CACNA1C: variants seen among roughly 807,000 people sequenced by gnomAD.
The protein encoded by CACNA1C is calcium voltage-gated channel subunit alpha1 C.
In CACNA1C, 30 loss-of-function variants were observed where a neutral mutation model predicts 229.0. That is an observed-to-expected ratio of 0.13 (90% CI 0.10 to 0.18). The LOEUF (loss-of-function observed/expected upper bound fraction) is 0.18, where lower values mean the gene tolerates loss of function less well. Ranked by LOEUF, CACNA1C falls within the 10% of genes least tolerant of loss-of-function variation. The pLI, the probability that CACNA1C is intolerant of heterozygous loss-of-function variation, is 1.00. For synonymous variants in CACNA1C, 1,114 were observed against 1,132.5 expected (o/e 0.98, Z 0.33); for missense variants, 1,658 against 2,845.0 (o/e 0.58, Z 9.49).
At chr12:2,047,564 A>G (rs1309384637) in intron 1 of CACNA1C, among the ~76,000 whole-genome samples, 1 of 152,262 alleles carries the variant, frequency 6.6e-6, no homozygotes, top group Non-Finnish European at 1.5e-5. Flanking sequence ...CTCACCAGGC[A>G]TATTAAATGA....
At chr12:2,043,397 CACTCAGGG>C (rs2050482886) in intron 1 of CACNA1C, among the ~76,000 whole-genome samples, 2 of 152,284 alleles carry the variant, frequency 1.3e-5, no homozygotes, top group East Asian at 3.9e-4. Context: ...TTCACAAAGT[CACTCAGGG>C]ACTCAGGGTT....
intron 3 of CACNA1C, among the ~76,000 whole-genome samples, chr12:2,260,761 A>G (rs2079836779): frequency 6.6e-6 from 1 of 152,158 alleles, no homozygotes; most frequent in Non-Finnish European, 1.5e-5. Flanking sequence ...GGTTAATTAT[A>G]TATACCTTGC....
At chr12:2,240,839 A>T (rs2069727035) in intron 3 of CACNA1C, among the ~76,000 whole-genome samples, 1 of 151,738 alleles carries the variant, frequency 6.6e-6, no homozygotes, top group African/African-American at 2.4e-5. Flanking sequence ...AGCTCCCCTC[A>T]GCAGTGCTCA....
At chr12:2,555,010 A>G (rs1173909464) in intron 10 of CACNA1C, among the ~76,000 whole-genome samples, 1 of 152,234 alleles carries the variant, frequency 6.6e-6, no homozygotes, top group Non-Finnish European at 1.5e-5. Flanking sequence ...ATCAGTCTTC[A>G]AGTGTGGTGC....
At chr12:2,167,280 TGAGGGGAAAGGCATGGATGACA>T (rs1330970811) in intron 3 of CACNA1C, among the ~76,000 whole-genome samples, 1 of 152,118 alleles carries the variant, frequency 6.6e-6, no homozygotes, top group Non-Finnish European at 1.5e-5. Flanking sequence ...AGTTATCTAG[TGAGGGGAAAGGCATGGATGACA>T]GAGCATTGTG....
chr12:2,382,815 G>C (rs943408577), intron 3 of CACNA1C, among the ~76,000 whole-genome samples: 14 of 152,164 alleles, frequency 9.2e-5, no homozygotes, highest in African/African-American at 2.7e-4. Flanking sequence ...ATGTGGAACT[G>C]ACTGACTTAG....
intron 3 of CACNA1C, among the ~76,000 whole-genome samples, chr12:2,165,796 G>A (rs981222407): frequency 6.6e-6 from 1 of 152,208 alleles, no homozygotes; most frequent in Non-Finnish European, 1.5e-5. Flanking sequence ...CTAGCACACA[G>A]TGTGCAGTAG....
rs1556123007 is a variant in CACNA1C at position 2,679,787 on chromosome 12, G to A, written c.5435G>A (p.Ser1812Asn). ...GTGCAGGAGGTGGCGTGGAAGCTCA[G>A]CTCCAACAGGTAAGTGGGAGGCTGG... ...IRVQEVAWKL[S>N]SNRCHSRESQ... is the part of the protein sequence containing the mutation. The change falls in exon 42 of 47, where the codon AGC (serine) becomes AAC (asparagine). Residue 1812 changes from serine to asparagine, a missense_variant. Transcript: ENST00000399655. The surrounding 1 kb of genome is among the most constrained non-coding windows in gnomAD (Gnocchi z 5.5). 1.9e-6 allele frequency: 3 copies of A among 1,562,088 alleles called. No individual in the cohort carries two copies. The highest frequency in any genetic ancestry group is 1.7e-4 in the Middle Eastern group (1 of 5,988).
intron 3 of CACNA1C, among the ~76,000 whole-genome samples, chr12:2,361,869 C>T (rs2097566535): frequency 1.3e-5 from 2 of 152,216 alleles, no homozygotes; most frequent in African/African-American, 2.4e-5. Flanking sequence ...GAGCAGTAGA[C>T]TTTTGCTATA....
chr12:2,633,285 G>A lies in CACNA1C; in HGVS notation c.3829-1012G>A, dbSNP rs975172130. Reference sequence around the variant, plus strand: ...CGTGGACTGAGAAGAGAGCATAGTAGCCACATCCTGCCGCCTGGCGATTTG... The same window carrying A: ...CGTGGACTGAGAAGAGAGCATAGTAACCACATCCTGCCGCCTGGCGATTTG... On this transcript the variant is annotated intron_variant, in intron 29 of 46. Coordinates refer to ENST00000399655, the MANE Select transcript of CACNA1C (RefSeq NM_000719.7). This position sits in a 1 kb window ranked among gnomAD's most constrained non-coding sequence, Gnocchi z 5.8. Among the ~76,000 whole-genome samples the A allele has an allele frequency of 1.1e-4, 17 of 152,146 alleles. No individual in the cohort carries two copies. The highest frequency in any genetic ancestry group is 9.2e-4 in the Admixed American group (14 of 15,278).
intron 1 of CACNA1C, among the ~76,000 whole-genome samples, chr12:2,063,017 T>C (rs1466257649): frequency 3.9e-5 from 6 of 152,166 alleles, no homozygotes; most frequent in Admixed American, 6.5e-5. Context: ...TTCCCCAATA[T>C]TTTCATCACC....
rs574137216 is a variant in CACNA1C at position 2,242,377 on chromosome 12, A to G, written c.477+121947A>G. 2.6e-5 allele frequency among the ~76,000 whole-genome samples: 4 copies of G among 152,286 alleles called. No individual in the cohort carries two copies. In the South Asian group the frequency reaches 8.3e-4, roughly 32 times the overall value. ...ACTTGGCCTCCGTGCTGGAGGAACAATGGGGGACCAGGGTAACTGTGATGA... is the reference window on the plus strand; with the variant it reads ...ACTTGGCCTCCGTGCTGGAGGAACAGTGGGGGACCAGGGTAACTGTGATGA... On this transcript the variant is annotated intron_variant, in intron 3 of 46. Transcript: ENST00000399655.
In CACNA1C at chr12:2,612,103, G is replaced by A. The variant is rs576192376; in HGVS notation, c.3828+90G>A. The A allele has an allele frequency of 4.7e-5, 37 of 793,894 alleles. No individual in the cohort carries two copies. In the South Asian group the frequency reaches 4.7e-4, roughly 10 times the overall value. The allele number at this position is 793,894 out of a possible 1,614,324, so 49.2% of individuals were successfully genotyped here. Reference sequence around the variant, plus strand: ...TGCAGGTATTGAAGGCAGAATGAGGGGAAGAGGGAAAAAGGCATCGGTGAA... The same window carrying A: ...TGCAGGTATTGAAGGCAGAATGAGGAGAAGAGGGAAAAAGGCATCGGTGAA... On this transcript the variant is annotated intron_variant, in intron 29 of 46. Transcript: ENST00000399655.
intron 5 of CACNA1C, among the ~76,000 whole-genome samples, chr12:2,472,596 C>CTG (rs201384238): frequency 0.017 from 2,518 of 150,494 alleles, 67 homozygotes; most frequent in African/African-American, 0.057. Flanking sequence ...ATGTAGCACT[C>CTG]TCTCTATATA....
chr12:1,980,661 T>A (rs1250269516), intron 1 of CACNA1C, among the ~76,000 whole-genome samples: 1 of 95,124 alleles, frequency 1.1e-5, no homozygotes, highest in Non-Finnish European at 2.5e-5. Context: ...TTAAATCCAG[T>A]GTTTGGTAAT....
intron 3 of CACNA1C, among the ~76,000 whole-genome samples, chr12:2,385,852 A>T (rs745428201): frequency 1.8e-4 from 28 of 152,200 alleles, no homozygotes; most frequent in Non-Finnish European, 2.5e-4. Flanking sequence ...GTGACTCCAT[A>T]GAGTGGGCCT....
chr12:2,201,823 G>T (rs2097584803), intron 3 of CACNA1C, among the ~76,000 whole-genome samples: 1 of 152,174 alleles, frequency 6.6e-6, no homozygotes, highest in African/African-American at 2.4e-5. Flanking sequence ...GCCAGGGGCT[G>T]GCCAGATATC....
chr12:2,167,602 G>T (rs2096291312), intron 3 of CACNA1C, among the ~76,000 whole-genome samples: 2 of 152,186 alleles, frequency 1.3e-5, no homozygotes, highest in African/African-American at 4.8e-5. Context: ...TTTTAGATGG[G>T]TTGCTTGGAA....
At chr12:2,286,629 A>C (rs2092720281) in intron 3 of CACNA1C, among the ~76,000 whole-genome samples, 1 of 152,128 alleles carries the variant, frequency 6.6e-6, no homozygotes, top group South Asian at 2.1e-4. Context: ...TGTGCCGGAC[A>C]CAGGGCTGGG....
Sources: gnomAD v4.1 joint callset for allele counts (sites outside exome capture counted in the v4.1 genomes callset) on GRCh38, gnomAD v4.1.1 for gene constraint, Gnocchi (gnomAD v3.1) non-coding constraint, MANE v1.5 for transcripts, NCBI Gene and HGNC (gene_info 2026-07-23, HGNC 2026-07-21) for gene names.